The following DPP6 variants were observed in gnomAD, a reference collection of about 807,000 sequenced individuals.
DPP6 encodes A-type potassium channel modulatory protein DPP6.
In DPP6, 69 loss-of-function variants were observed where a neutral mutation model predicts 122.6. That is an observed-to-expected ratio of 0.56 (90% CI 0.46 to 0.69). The LOEUF (loss-of-function observed/expected upper bound fraction) is 0.69. Among genes scored for constraint, DPP6 ranks in the 30% least tolerant of loss-of-function variants. The pLI, the probability that DPP6 is intolerant of heterozygous loss-of-function variation, is 0.00. For synonymous variants in DPP6, 418 were observed against 433.1 expected (o/e 0.97, Z 0.43); for missense variants, 928 against 1,116.9 (o/e 0.83, Z 2.41).
chr7:154,447,728 AC>A (rs923676194), intron 2 of DPP6, among the ~76,000 whole-genome samples: 12 of 152,218 alleles, frequency 7.9e-5, no homozygotes, highest in Non-Finnish European at 1.3e-4. Flanking sequence ...ATACACCATG[AC>A]CAAATAGGAT....
Position 154,433,136 on chromosome 7 carries a change from G to GT in DPP6, c.244-13051dup, listed in dbSNP as rs548053204. Among the ~76,000 whole-genome samples the GT allele has an allele frequency of 9.9e-3, 718 of 72,326 alleles. 104 individuals carry two copies. The highest frequency in any genetic ancestry group is 0.014 in the Middle Eastern group (1 of 70). 47.4% of individuals were successfully genotyped at this position (72,326 alleles called of 152,430 possible). A position where few individuals can be genotyped will look rare whatever the true frequency, so the allele number is the denominator to read the frequency against. On this transcript the variant is annotated intron_variant, in intron 1 of 25. Coordinates refer to ENST00000377770, the MANE Select transcript of DPP6 (RefSeq NM_130797.4). ...TAATGGCTCTCATACTAGACTGCAA[G>GT]TTTTTTTTTTTTTTTTTTTTTTTTT...
chr7:154,855,659 C>T (rs1802772943), intron 17 of DPP6, among the ~76,000 whole-genome samples: 1 of 152,218 alleles, frequency 6.6e-6, no homozygotes, highest in Non-Finnish European at 1.5e-5. Flanking sequence ...CTCCAGGAGG[C>T]CGCAGAGGCC....
At chr7:154,579,327 C>A (rs951070809) in intron 5 of DPP6, among the ~76,000 whole-genome samples, 8 of 151,874 alleles carry the variant, frequency 5.3e-5, no homozygotes, top group African/African-American at 1.9e-4. Flanking sequence ...ACCGCCTGGG[C>A]AACAAGAGCA....
chr7:154,371,378 C>CAAAAAAAAAAAAAAAAAAAAAAAAAAA, intron 1 of DPP6, among the ~76,000 whole-genome samples: 1 of 47,712 alleles, frequency 2.1e-5, no homozygotes, highest in South Asian at 1.2e-3. Context: ...AACTCTGTCT[C>CAAAAAAAAAAAAAAAAAAAAAAAAAAA]AAAAAAAAAA....
At chr7:154,050,107 G>A (rs1243838252), upstream of DPP6, among the ~76,000 whole-genome samples, 1 of 152,074 alleles carries the variant, frequency 6.6e-6, no homozygotes, top group Non-Finnish European at 1.5e-5. Context: ...CGTTTCTTCT[G>A]CTTAATTGTG....
chr7:154,321,510 C>T (rs1301104780), intron 1 of DPP6, among the ~76,000 whole-genome samples: 5 of 152,014 alleles, frequency 3.3e-5, no homozygotes, highest in East Asian at 1.9e-4. Flanking sequence ...CGGCCAGGCG[C>T]GGTCGCTCAC....
chr7:154,419,871 T>C (rs1465249361), intron 1 of DPP6, among the ~76,000 whole-genome samples: 7 of 152,122 alleles, frequency 4.6e-5, no homozygotes, highest in Non-Finnish European at 1.0e-4. Context: ...AATCAGGATG[T>C]CAAAGAGACA....
intron 8 of DPP6, among the ~76,000 whole-genome samples, chr7:154,739,540 C>T (rs1842722142): frequency 6.6e-6 from 1 of 152,120 alleles, no homozygotes. Context: ...GCCATGTCCC[C>T]CATGGAATCA....
intron 1 of DPP6, among the ~76,000 whole-genome samples, chr7:154,366,814 C>T (rs1338681113): frequency 6.6e-6 from 1 of 152,140 alleles, no homozygotes; most frequent in African/African-American, 2.4e-5. Flanking sequence ...ATCATCAGGA[C>T]ATTTAGATTT....
At chr7:153,902,315 G>C (rs889531008) in intron 1 of DPP6, among the ~76,000 whole-genome samples, 1 of 152,144 alleles carries the variant, frequency 6.6e-6, no homozygotes, top group South Asian at 2.1e-4. Context: ...ATTTAGAGGG[G>C]GGAAAAGCCT....
intron 1 of DPP6, among the ~76,000 whole-genome samples, chr7:154,091,120 C>CAAA (rs71850251): frequency 1.2e-4 from 15 of 123,256 alleles, no homozygotes; most frequent in Admixed American, 4.3e-4. Flanking sequence ...GACTCCTTCT[C>CAAA]AAAAAAAAAA....
chr7:154,153,978 A>G (rs1371606824), intron 1 of DPP6, among the ~76,000 whole-genome samples: 2 of 152,198 alleles, frequency 1.3e-5, no homozygotes, highest in South Asian at 2.1e-4. Context: ...CCATAGTTCA[A>G]TTAGCAGCTG....
At chr7:153,916,686 C>T (rs139916341) in intron 1 of DPP6, among the ~76,000 whole-genome samples, 1,657 of 152,138 alleles carry the variant, frequency 0.011, 32 homozygotes, top group African/African-American at 0.038. Flanking sequence ...GGATTACAAG[C>T]GTGAGCTACT....
chr7:154,686,565 AG>A (rs1185189687), intron 7 of DPP6, among the ~76,000 whole-genome samples: 3 of 152,282 alleles, frequency 2.0e-5, no homozygotes, highest in Middle Eastern at 3.4e-3. Context: ...AAATCTTTGC[AG>A]GTTCCATAAA....
rs368256966 is a variant in DPP6, at chr7:154,290,135, C to T, written c.244-156079C>T. Among the ~76,000 whole-genome samples, 77 of 152,268 alleles carry T rather than the reference C, an allele frequency of 5.1e-4. 3 individuals are homozygous for T. In the South Asian group the frequency reaches 0.014, roughly 27 times the overall value. Reference sequence around the variant, plus strand: ...GTAAAAACAAGGGACAAATGTTGCTCATGTTGCCAGTACCTTGTTTTGAGT... The same window carrying T: ...GTAAAAACAAGGGACAAATGTTGCTTATGTTGCCAGTACCTTGTTTTGAGT... On this transcript the variant is annotated intron_variant, in intron 1 of 25. Transcript: ENST00000377770.
At chr7:153,968,304 T>G (rs1383564957) in intron 1 of DPP6, among the ~76,000 whole-genome samples, 1 of 151,800 alleles carries the variant, frequency 6.6e-6, no homozygotes, top group Non-Finnish European at 1.5e-5. Context: ...TCCCTGATGA[T>G]GAGTGATGTT....
the DPP6 span, among the ~76,000 whole-genome samples, chr7:153,821,187 AT>A: frequency 6.6e-6 from 1 of 152,220 alleles, no homozygotes; most frequent in Non-Finnish European, 1.5e-5. Context: ...TGAAAATTAA[AT>A]CCAAGGACAG....
intron 8 of DPP6, among the ~76,000 whole-genome samples, chr7:154,759,400 A>T (rs1393261005): frequency 6.6e-6 from 1 of 152,316 alleles, no homozygotes; most frequent in East Asian, 1.9e-4. Context: ...GAGCACGGGG[A>T]CGTTCTCCCA....
chr7:154,874,371 G>C (rs577730199), intron 19 of DPP6, among the ~76,000 whole-genome samples: 1 of 152,172 alleles, frequency 6.6e-6, no homozygotes, highest in Non-Finnish European at 1.5e-5. Context: ...TGCTGAGCTC[G>C]GACGGGACCG....
Sources: allele counts gnomAD v4.1 joint callset (sites outside exome capture counted in the v4.1 genomes callset), GRCh38; gene constraint gnomAD v4.1.1; transcripts MANE v1.5; gene names NCBI Gene and HGNC (gene_info 2026-07-23, HGNC 2026-07-21).